PCDHGA3: variants seen among roughly 807,000 people sequenced by gnomAD.
PCDHGA3 encodes protocadherin gamma subfamily A, 3.
A neutral mutation model predicts 58.5 loss-of-function variants in PCDHGA3; 40 were observed. The ratio of observed to expected loss-of-function variants is 0.68; its 90% CI spans 0.53 to 0.89. The LOEUF (loss-of-function observed/expected upper bound fraction) is 0.89, where lower values mean the gene tolerates loss of function less well. PCDHGA3 is among the 40% of genes least tolerant of loss of function. PCDHGA3 has a pLI of 0.00. For synonymous variants in PCDHGA3, 530 were observed against 525.7 expected, an observed-to-expected ratio of 1.01 and a Z score of -0.11; for missense variants, 1,223 against 1,195.9, an observed-to-expected ratio of 1.02 and a Z score of -0.33.
intron 1 of PCDHGA3, chr5:141,371,397 A>G: frequency 6.2e-7 from 1 of 1,614,004 alleles, no homozygotes; most frequent in Non-Finnish European, 8.5e-7. Flanking sequence ...TAAAGTACAG[A>G]TAGATATTTC....
chr5:141,410,118 G>T (rs2095358965), intron 1 of PCDHGA3: 3 of 1,612,304 alleles, frequency 1.9e-6, no homozygotes, highest in East Asian at 4.5e-5. Context: ...GACGCAGCCC[G>T]CCAGCGCCTG....
chr5:141,364,754 G>A (rs940260607), intron 1 of PCDHGA3: 5 of 1,613,870 alleles, frequency 3.1e-6, no homozygotes, highest in Non-Finnish European at 4.2e-6. Context: ...AAAAGTAAAA[G>A]TTAATGAAAA....
chr5:141,430,939 G>A, intron 1 of PCDHGA3: 1 of 1,607,854 alleles, frequency 6.2e-7, no homozygotes, highest in South Asian at 1.1e-5. Flanking sequence ...GGGAGCTCGC[G>A]GAGCGCGGAG....
chr5:141,346,510 T>A, intron 1 of PCDHGA3, 53 bp downstream of exon 1: 1 of 1,605,456 alleles, frequency 6.2e-7, no homozygotes, highest in Non-Finnish European at 8.5e-7. Flanking sequence ...AATGTGGTTA[T>A]TATAAAGCTT....
Position 141,431,646 on chromosome 5 carries a change from G to A in PCDHGA3, c.2425-63161G>A. ...GCGGCCCAAGTTTTCAAACTAGATT[G>A]TAATTCAGGGACAATATCAACAATA... On this transcript the variant is annotated intron_variant, in intron 1 of 3. Coordinates refer to ENST00000253812, the MANE Select transcript of PCDHGA3 (RefSeq NM_018916.4). The surrounding 1 kb of genome is among the most constrained non-coding windows in gnomAD (Gnocchi z 4.8). 2 of 1,614,252 alleles carry A rather than the reference G, an allele frequency of 1.2e-6. No individual in the cohort carries two copies. Among genetic ancestry groups the A allele is most frequent in the Non-Finnish European group, 1.7e-6 (2 of 1,180,046 alleles).
chr5:141,458,509 CTTTGT>C (rs1181745590), intron 1 of PCDHGA3, among the ~76,000 whole-genome samples: 1 of 149,986 alleles, frequency 6.7e-6, no homozygotes, highest in Non-Finnish European at 1.5e-5. Context: ...CTGTTTGACA[CTTTGT>C]TTTTTTTTTT....
chr5:141,418,597 G>T, intron 1 of PCDHGA3: 7 of 1,614,052 alleles, frequency 4.3e-6, no homozygotes, highest in South Asian at 1.1e-5. Flanking sequence ...GCCAGGACGT[G>T]TACAGGGTTA....
intron 1 of PCDHGA3, chr5:141,424,783 T>C (rs1285808638): frequency 1.3e-5 from 2 of 152,212 alleles, no homozygotes; most frequent in African/African-American, 4.8e-5. Flanking sequence ...TACATTCAGT[T>C]CTTTTATTCA....
intron 1 of PCDHGA3, chr5:141,376,624 A>C (rs1350295838): frequency 7.4e-6 from 10 of 1,343,058 alleles, no homozygotes; most frequent in Non-Finnish European, 9.1e-6. Context: ...TTGGTACAGG[A>C]AGATTCGTGA....
At chr5:141,361,156 A>C in intron 1 of PCDHGA3, 1 of 1,613,960 alleles carries the variant, frequency 6.2e-7, no homozygotes. Flanking sequence ...TCTTGATGAC[A>C]ACGATTGTGC....
chr5:141,407,808 C>A (rs1182707356), intron 1 of PCDHGA3, among the ~76,000 whole-genome samples: 1 of 152,136 alleles, frequency 6.6e-6, no homozygotes, highest in Non-Finnish European at 1.5e-5. Flanking sequence ...ATAGAAATAT[C>A]TACTATAATA....
chr5:141,418,125 G>T (rs765373450), intron 1 of PCDHGA3: 7 of 1,613,968 alleles, frequency 4.3e-6, no homozygotes, highest in African/African-American at 2.7e-5. Flanking sequence ...GTGAAGGACC[G>T]AATAGACCGT....
At chr5:141,480,873 C>T (rs1026513782) in intron 1 of PCDHGA3, among the ~76,000 whole-genome samples, 5 of 152,050 alleles carry the variant, frequency 3.3e-5, no homozygotes, top group Non-Finnish European at 7.4e-5. Context: ...GGTGAAACCC[C>T]GTCTCTACTA....
intron 1 of PCDHGA3, among the ~76,000 whole-genome samples, chr5:141,438,002 A>G (rs200179547): frequency 1.3e-5 from 2 of 152,072 alleles, no homozygotes; most frequent in East Asian, 1.9e-4. Flanking sequence ...CAGCCTCCCA[A>G]ATAGCTGAGA....
chr5:141,482,510 T>A (rs2099563292), intron 1 of PCDHGA3, among the ~76,000 whole-genome samples: 3 of 121,012 alleles, frequency 2.5e-5, no homozygotes, highest in African/African-American at 3.5e-5. Context: ...GTACCCAGAG[T>A]ACAGTATGAG....
intron 1 of PCDHGA3, among the ~76,000 whole-genome samples, chr5:141,442,917 G>A (rs1041756930): frequency 6.6e-6 from 1 of 152,178 alleles, no homozygotes; most frequent in Non-Finnish European, 1.5e-5. Context: ...GCACACAACT[G>A]TTTCATTTTC....
rs377387694 is a variant in PCDHGA3, at chr5:141,366,375, T to A, written c.2424+19918T>A. 19 of 1,614,096 alleles carry A rather than the reference T, an allele frequency of 1.2e-5. No homozygotes were observed. The highest frequency in any genetic ancestry group is 1.6e-5 in the Non-Finnish European group (19 of 1,180,036). On this transcript the variant is annotated intron_variant, in intron 1 of 3. Coordinates refer to ENST00000253812, the MANE Select transcript of PCDHGA3 (RefSeq NM_018916.4). Reference sequence around the variant, plus strand: ...GACCTAGGCAGTATCAAGACCCCCATTGACCCTGAGGATCTGGACCTCACA... The same window carrying A: ...GACCTAGGCAGTATCAAGACCCCCAATGACCCTGAGGATCTGGACCTCACA...
intron 1 of PCDHGA3, among the ~76,000 whole-genome samples, chr5:141,348,279 G>A (rs778473192): frequency 8.5e-5 from 13 of 152,326 alleles, no homozygotes; most frequent in Non-Finnish European, 1.3e-4. Flanking sequence ...TGTAAGCAGA[G>A]TAAGGTGTAT....
chr5:141,350,955 C>T (rs1440968204), intron 1 of PCDHGA3: 1 of 1,614,070 alleles, frequency 6.2e-7, no homozygotes, highest in Non-Finnish European at 8.5e-7. Context: ...GTTACGGATG[C>T]CAATGATAAT....
Sources: allele counts gnomAD v4.1 joint callset (sites outside exome capture counted in the v4.1 genomes callset), GRCh38; gene constraint gnomAD v4.1.1; non-coding constraint Gnocchi (gnomAD v3.1); transcripts MANE v1.5; gene names NCBI Gene and HGNC (gene_info 2026-07-23, HGNC 2026-07-21).